ENOX2: variants seen among roughly 807,000 people sequenced by gnomAD.
ENOX2 encodes ecto-NOX disulfide-thiol exchanger 2.
A neutral mutation model predicts 45.0 loss-of-function variants in ENOX2; 36 were observed. The ratio of observed to expected loss-of-function variants is 0.80; its 90% confidence interval spans 0.61 to 1.06. ENOX2 has a LOEUF of 1.06. ENOX2 is among the 50% of genes least tolerant of loss of function. The probability of loss-of-function intolerance (pLI) is 0.00; values close to 1 mark genes in which losing one functional copy is unlikely to be tolerated. For synonymous variants in ENOX2, 174 were observed against 152.3 expected, an observed-to-expected ratio of 1.14 and a Z score of -1.05; for missense variants, 423 against 462.5, an observed-to-expected ratio of 0.91 and a Z score of 0.78.
intron 3 of ENOX2, among the ~76,000 whole-genome samples, chrX:130,775,654 G>A (rs1230919505): frequency 9.0e-6 from 1 of 111,221 alleles, no homozygotes; most frequent in East Asian, 2.8e-4. Flanking sequence ...CTCCACAGGT[G>A]AGTATCAAGG....
intron 2 of ENOX2, among the ~76,000 whole-genome samples, chrX:130,864,453 A>G (rs2078459183): frequency 8.9e-6 from 1 of 111,883 alleles, no homozygotes; most frequent in South Asian, 3.8e-4. Flanking sequence ...AGAGGAATTC[A>G]GCTAAACCAT....
intron 2 of ENOX2, among the ~76,000 whole-genome samples, chrX:130,843,070 A>C (rs2078041434): frequency 9.0e-6 from 1 of 111,427 alleles, no homozygotes; most frequent in African/African-American, 3.3e-5. Context: ...AAATCATATC[A>C]CTATATATGC....
chrX:130,845,966 T>C (rs2078096823), intron 2 of ENOX2, among the ~76,000 whole-genome samples: 1 of 112,323 alleles, frequency 8.9e-6, no homozygotes, highest in Non-Finnish European at 1.9e-5. Context: ...TCATAAAACT[T>C]TGATAGAAAA....
At chrX:130,819,353 G>A (rs1014996070) in intron 2 of ENOX2, among the ~76,000 whole-genome samples, 6 of 111,574 alleles carry the variant, frequency 5.4e-5, no homozygotes. Flanking sequence ...AATACCATTT[G>A]ACCCGGCAAT....
At chrX:130,894,979 A>G (rs753722650) in intron 2 of ENOX2, among the ~76,000 whole-genome samples, 7 of 111,493 alleles carry the variant, frequency 6.3e-5, no homozygotes, top group Admixed American at 1.9e-4. Context: ...CTGATCTCTA[A>G]GTTGTCCACC....
intron 2 of ENOX2, among the ~76,000 whole-genome samples, chrX:130,833,810 C>T (rs2077880017): frequency 9.0e-6 from 1 of 111,293 alleles, no homozygotes; most frequent in African/African-American, 3.3e-5. Flanking sequence ...CCTTTTACTC[C>T]TCATCACTCC....
chrX:130,708,132 A>G (rs1255128677), intron 3 of ENOX2, among the ~76,000 whole-genome samples: 3 of 112,194 alleles, frequency 2.7e-5, no homozygotes, highest in Non-Finnish European at 3.8e-5. Context: ...TGACGAAAAA[A>G]TGGGAAGCTA....
At chrX:130,793,910 T>C (rs2077080681) in intron 2 of ENOX2, among the ~76,000 whole-genome samples, 1 of 112,424 alleles carries the variant, frequency 8.9e-6, no homozygotes. Context: ...CAGTTCAAAG[T>C]GACAGATGGT....
intron 2 of ENOX2, among the ~76,000 whole-genome samples, chrX:130,831,056 G>A (rs1459064309): frequency 1.8e-5 from 2 of 111,634 alleles, no homozygotes; most frequent in Non-Finnish European, 3.8e-5. Flanking sequence ...GGGCAAGCAA[G>A]CACACAAAAC....
At chrX:130,868,655 G>A (rs1029337168) in intron 2 of ENOX2, among the ~76,000 whole-genome samples, 4 of 111,215 alleles carry the variant, frequency 3.6e-5, no homozygotes, top group Non-Finnish European at 7.6e-5. Context: ...TATACTATAC[G>A]AGTGATATAA....
At position 130,768,965 on chromosome X, in the gene ENOX2, T is replaced by C. The variant is rs1450021127; in HGVS notation, c.-39+14582A>G. Among the ~76,000 whole-genome samples, 5 of 111,445 alleles carry C rather than the reference T, an allele frequency of 4.5e-5. No individual in the cohort carries two copies. The Admixed American group carries it at 4.8e-4, about 11-fold the overall frequency. On this transcript the variant is annotated intron_variant, in intron 3 of 14. Transcript: ENST00000394363. ...ATGATCGGTCTAAGATTCATAGTCT[T>C]TTTTTTAAGCTGACTTACTCTTAAG...
At chrX:130,828,530 T>C (rs1029343050) in intron 2 of ENOX2, among the ~76,000 whole-genome samples, 4 of 112,208 alleles carry the variant, frequency 3.6e-5, no homozygotes, top group African/African-American at 1.3e-4. Flanking sequence ...ACATTGGGAT[T>C]AAAACATCTA....
At chrX:130,683,026 C>A (rs1477247332) in intron 5 of ENOX2, among the ~76,000 whole-genome samples, 1 of 111,711 alleles carries the variant, frequency 9.0e-6, no homozygotes, top group Non-Finnish European at 1.9e-5. Context: ...AGGATGGAGA[C>A]AAAGAAAAGT....
chrX:130,807,446 G>A (rs995828169), intron 2 of ENOX2, among the ~76,000 whole-genome samples: 1 of 111,361 alleles, frequency 9.0e-6, no homozygotes, highest in Non-Finnish European at 1.9e-5. Flanking sequence ...TTCAGAGTTG[G>A]CAGGGACCTT....
At chrX:130,775,723 T>C (rs950455036) in intron 3 of ENOX2, among the ~76,000 whole-genome samples, 1 of 111,541 alleles carries the variant, frequency 9.0e-6, no homozygotes, top group South Asian at 3.8e-4. Flanking sequence ...ACAAGCCATG[T>C]TCTTCAACAT....
chrX:130,775,458 G>C (rs2039834933), intron 3 of ENOX2, among the ~76,000 whole-genome samples: 1 of 111,418 alleles, frequency 9.0e-6, no homozygotes, highest in South Asian at 3.8e-4. Flanking sequence ...CTGGCTCTCA[G>C]GTCTAAATGC....
chrX:130,710,248 T>A (rs958217864), intron 3 of ENOX2, among the ~76,000 whole-genome samples: 1 of 111,920 alleles, frequency 8.9e-6, no homozygotes, highest in Non-Finnish European at 1.9e-5. Context: ...TAGCTTGCAG[T>A]AGAGCCGAGA....
chrX:130,649,866 T>G (rs1006305434), intron 10 of ENOX2, among the ~76,000 whole-genome samples: 1 of 111,775 alleles, frequency 8.9e-6, no homozygotes, highest in African/African-American at 3.3e-5. Context: ...TACAAAACTC[T>G]ATAGAAAAAG....
intron 2 of ENOX2, among the ~76,000 whole-genome samples, chrX:130,821,547 C>T (rs1402563779): frequency 6.5e-5 from 2 of 30,772 alleles, no homozygotes; most frequent in African/African-American, 3.0e-4. Flanking sequence ...GTGGTGGGGT[C>T]GGGGGAGGGG....
Sources: allele counts gnomAD v4.1 joint callset (sites outside exome capture counted in the v4.1 genomes callset), GRCh38; gene constraint gnomAD v4.1.1; transcripts MANE v1.5; gene names NCBI Gene and HGNC (gene_info 2026-07-23, HGNC 2026-07-21).